Variants in CBLB observed in about 807,000 individuals in gnomAD.
The protein encoded by CBLB is Cbl proto-oncogene B.
In CBLB, 31 loss-of-function variants were observed where a neutral mutation model predicts 104.9. The ratio of observed to expected loss-of-function variants is 0.30; its 90% CI spans 0.22 to 0.40. The LOEUF is 0.40. CBLB is among the 10% of genes least tolerant of loss of function. CBLB has a pLI of 1.00. For synonymous variants in CBLB, 440 were observed against 422.6 expected (o/e 1.04, Z -0.51); for missense variants, 1,062 against 1,214.6 (o/e 0.87, Z 1.87).
chr3:105,711,722 T>A (rs2071121110), intron 10 of CBLB, among the ~76,000 whole-genome samples: 1 of 152,038 alleles, frequency 6.6e-6, no homozygotes, highest in South Asian at 2.1e-4. Context: ...TCCTCTGAAG[T>A]AGGAGGAACA....
chr3:105,669,065 AATCCATCCATCCATCC>A (rs140483751), intron 18 of CBLB, among the ~76,000 whole-genome samples: 3 of 149,846 alleles, frequency 2.0e-5, no homozygotes, highest in Non-Finnish European at 4.4e-5. Flanking sequence ...TGTCCACTCA[AATCCATCCATCCATCC>A]ATCCATCCAT....
At chr3:105,745,338 A>T (rs559142122) in intron 6 of CBLB, among the ~76,000 whole-genome samples, 33 of 152,360 alleles carry the variant, frequency 2.2e-4, no homozygotes, top group African/African-American at 7.5e-4. Context: ...AACCTCTCCA[A>T]GTCTCATTTA....
chr3:105,688,567 C>T (rs181407127), intron 13 of CBLB, among the ~76,000 whole-genome samples: 4 of 152,000 alleles, frequency 2.6e-5, no homozygotes, highest in Non-Finnish European at 4.4e-5. Flanking sequence ...AGGCAAGTAA[C>T]GAAAAAATAT....
chr3:105,863,681 T>C (rs1053149252), intron 2 of CBLB, among the ~76,000 whole-genome samples: 13 of 152,300 alleles, frequency 8.5e-5, no homozygotes, highest in African/African-American at 2.2e-4. Flanking sequence ...GTAAATTATA[T>C]TTCAAGCTTG....
chr3:105,778,543 T>C (rs1038518300), intron 3 of CBLB, among the ~76,000 whole-genome samples: 7 of 152,078 alleles, frequency 4.6e-5, no homozygotes, highest in South Asian at 2.1e-4. Flanking sequence ...AATAAATTCA[T>C]CTTCCTTAAA....
At chr3:105,746,068 G>GT in intron 5 of CBLB, 30 bp from the exon 6 acceptor site, 3 of 1,430,850 alleles carry the variant, frequency 2.1e-6, no homozygotes, top group Non-Finnish European at 2.9e-6. Context: ...AAAGAGATTA[G>GT]TATCTAGAGA....
At chr3:105,689,325 T>C (rs2067383609) in intron 13 of CBLB, among the ~76,000 whole-genome samples, 1 of 151,368 alleles carries the variant, frequency 6.6e-6, no homozygotes, top group South Asian at 2.1e-4. Flanking sequence ...TAGAAAAATA[T>C]ATATTATAAG....
At position 105,658,175 on chromosome 3, in the gene CBLB, T is replaced by A. The variant is rs1391462088; in HGVS notation, c.*795A>T. ...AGTAGCTGCTTTCTAATATTGTAGA[T>A]TTTTACAGTTGTGACACCCCTGGGA... On this transcript the variant is annotated 3_prime_UTR_variant, in exon 19 of 19. Transcript: ENST00000394030. The A allele has an allele frequency of 1.8e-5, 4 of 216,256 alleles. No individual in the cohort carries two copies. The East Asian group carries it at 2.7e-4, about 15-fold the overall frequency. The allele number at this position is 216,256 out of a possible 1,614,324, so 13.4% of individuals were successfully genotyped here. A position where few individuals can be genotyped will look rare whatever the true frequency, so the allele number is the denominator to read the frequency against.
At chr3:105,714,083 G>C (rs764727676) in intron 10 of CBLB, among the ~76,000 whole-genome samples, 4 of 151,736 alleles carry the variant, frequency 2.6e-5, no homozygotes, top group Non-Finnish European at 5.9e-5. Context: ...TTGATCTTAC[G>C]GCTCCAACAC....
At chr3:105,701,214 T>C (rs1031635556) in intron 12 of CBLB, among the ~76,000 whole-genome samples, 4 of 152,196 alleles carry the variant, frequency 2.6e-5, no homozygotes, top group Admixed American at 2.0e-4. Context: ...ATATAAATGA[T>C]AGTAGTAACA....
rs1211529367 is a variant in CBLB, at chr3:105,853,764, TATAA to T, written c.169-104_169-101del. 2.5e-5 allele frequency: 20 copies of T among 801,626 alleles called. No homozygotes were observed. In the East Asian group the frequency reaches 4.9e-4, roughly 19 times the overall value. 49.7% of individuals were successfully genotyped at this position (801,626 alleles called of 1,614,324 possible). A position where few individuals can be genotyped will look rare whatever the true frequency, so the allele number is the denominator to read the frequency against. On this transcript the variant is annotated intron_variant, in intron 2 of 18. Transcript: ENST00000394030. ...GTCCTATTTCTTCATTTTTCCATAA[TATAA>T]ATAATGATCTTAACTTACTATCTCC...
chr3:105,772,758 T>C (rs1016410161), intron 4 of CBLB, among the ~76,000 whole-genome samples: 3 of 151,922 alleles, frequency 2.0e-5, no homozygotes, highest in Admixed American at 6.6e-5. Flanking sequence ...AACAAACATA[T>C]GAAAAAATGC....
At chr3:105,716,337 G>A (rs1576563688) in intron 10 of CBLB, among the ~76,000 whole-genome samples, 1 of 152,186 alleles carries the variant, frequency 6.6e-6, no homozygotes. Context: ...ATGTGTGCAG[G>A]AGTGTGCATT....
At chr3:105,679,339 A>C (rs1287201506) in intron 16 of CBLB, among the ~76,000 whole-genome samples, 1 of 128,418 alleles carries the variant, frequency 7.8e-6, no homozygotes, top group Non-Finnish European at 1.6e-5. Flanking sequence ...GAGTCTTTAA[A>C]AAAAAAAAAA....
chr3:105,666,751 C>A (rs965534797), intron 18 of CBLB, among the ~76,000 whole-genome samples: 1 of 152,102 alleles, frequency 6.6e-6, no homozygotes, highest in African/African-American at 2.4e-5. Context: ...ATAAAAAAAT[C>A]TTCACATACA....
At chr3:105,721,806 A>G (rs74943899) in intron 9 of CBLB, among the ~76,000 whole-genome samples, 1 of 152,120 alleles carries the variant, frequency 6.6e-6, no homozygotes, top group South Asian at 2.1e-4. Context: ...ATTTAAGAAA[A>G]GCAAAATCTT....
intron 9 of CBLB, among the ~76,000 whole-genome samples, chr3:105,721,125 T>C: frequency 6.6e-6 from 1 of 152,198 alleles, no homozygotes; most frequent in Non-Finnish European, 1.5e-5. Flanking sequence ...TGGTTTTGCA[T>C]TATACCCTGA....
At chr3:105,715,647 A>G (rs944387312) in intron 10 of CBLB, among the ~76,000 whole-genome samples, 1 of 152,238 alleles carries the variant, frequency 6.6e-6, no homozygotes, top group African/African-American at 2.4e-5. Flanking sequence ...AAAGATGAGT[A>G]TTCAAAATGG....
At chr3:105,689,123 G>C (rs1341347425) in intron 13 of CBLB, among the ~76,000 whole-genome samples, 1 of 151,934 alleles carries the variant, frequency 6.6e-6, no homozygotes, top group Non-Finnish European at 1.5e-5. Context: ...ACCACTAGCT[G>C]ACAATATACA....
Sources: gnomAD v4.1 joint callset for allele counts (sites outside exome capture counted in the v4.1 genomes callset) on GRCh38, gnomAD v4.1.1 for gene constraint, MANE v1.5 for transcripts, NCBI Gene and HGNC (gene_info 2026-07-23, HGNC 2026-07-21) for gene names.